Variants in SLC9A9 observed in about 807,000 individuals in gnomAD.
SLC9A9 encodes the protein solute carrier family 9 member A9.
In SLC9A9, 62 loss-of-function variants were observed where a neutral mutation model predicts 77.8. The ratio of observed to expected loss-of-function variants is 0.80; its 90% CI spans 0.65 to 0.98. The LOEUF is 0.98. SLC9A9 is among the 50% of genes least tolerant of loss of function. The pLI, the probability that SLC9A9 is intolerant of heterozygous loss-of-function variation, is 0.00. For synonymous variants in SLC9A9, 320 were observed against 283.5 expected (o/e 1.13, Z -1.29); for missense variants, 775 against 774.9 (o/e 1.00, Z 0.00).
intron 2 of SLC9A9, among the ~76,000 whole-genome samples, chr3:143,812,016 T>C (rs1302050862): frequency 1.3e-5 from 2 of 151,976 alleles, no homozygotes; most frequent in Non-Finnish European, 2.9e-5. Context: ...TCCTAAGGAA[T>C]AGAGGGGAAG....
At position 143,815,756 on chromosome 3, in the gene SLC9A9, T is replaced by C. The variant is rs2008996025; in HGVS notation, c.378+16263A>G. On this transcript the variant is annotated intron_variant, in intron 2 of 15. Transcript: ENST00000316549. ...TGGTGTGCATCTGTAGTCCCAGCTA[T>C]TCAGGAGGCTGAGACAGGAGAATCG... Among the ~76,000 whole-genome samples, 3 of 151,910 alleles carry C rather than the reference T, an allele frequency of 2.0e-5. No homozygotes were observed. The South Asian group carries it at 6.2e-4, about 32-fold the overall frequency.
chr3:143,777,608 A>C (rs951330687), intron 4 of SLC9A9, among the ~76,000 whole-genome samples: 6 of 152,076 alleles, frequency 3.9e-5, no homozygotes, highest in Admixed American at 1.3e-4. Context: ...CCATGAGAAA[A>C]TCTTTGAATT....
In SLC9A9 at chr3:143,846,812, G is replaced by A. The variant is rs540564748; in HGVS notation, c.175+1336C>T. Among the ~76,000 whole-genome samples the A allele has an allele frequency of 4.0e-5, 6 of 150,564 alleles. No individual in the cohort carries two copies. The South Asian group carries it at 1.0e-3, about 26-fold the overall frequency. On this transcript the variant is annotated intron_variant, in intron 1 of 15. Transcript: ENST00000316549. ...AAGTTTTAGGGTACATGTGCACAAC[G>A]TGCAGGTTAGTTACATATGTATACA...
intron 4 of SLC9A9, among the ~76,000 whole-genome samples, chr3:143,763,283 T>C (rs1465151143): frequency 6.6e-6 from 1 of 152,160 alleles, no homozygotes; most frequent in Non-Finnish European, 1.5e-5. Flanking sequence ...TCAGTAATTA[T>C]AGCAAGAGCC....
chr3:143,368,633 T>G (rs1397584680), intron 13 of SLC9A9, among the ~76,000 whole-genome samples: 4 of 152,196 alleles, frequency 2.6e-5, no homozygotes, highest in Non-Finnish European at 5.9e-5. Context: ...ATTATCATAA[T>G]AAATCTGCAG....
intron 8 of SLC9A9, among the ~76,000 whole-genome samples, chr3:143,562,310 C>T (rs2037101080): frequency 6.6e-6 from 1 of 152,038 alleles, no homozygotes; most frequent in African/African-American, 2.4e-5. Context: ...GGAATGTTTT[C>T]CTGAAAGTGG....
intron 4 of SLC9A9, among the ~76,000 whole-genome samples, chr3:143,738,744 C>G (rs1353811722): frequency 6.6e-6 from 1 of 152,182 alleles, no homozygotes; most frequent in Admixed American, 6.5e-5. Flanking sequence ...CCAAGACCCA[C>G]TTTTCAGATC....
chr3:143,622,951 A>G (rs2038248097), intron 6 of SLC9A9, among the ~76,000 whole-genome samples: 1 of 152,224 alleles, frequency 6.6e-6, no homozygotes, highest in African/African-American at 2.4e-5. Context: ...AAAGAAAGGC[A>G]GCTGTTGAAA....
intron 2 of SLC9A9, among the ~76,000 whole-genome samples, chr3:143,821,031 G>C (rs533657954): frequency 2.5e-4 from 38 of 152,258 alleles, no homozygotes; most frequent in South Asian, 2.1e-4. Context: ...ACTGGGAAGG[G>C]CTGAGTCAGC....
intron 6 of SLC9A9, among the ~76,000 whole-genome samples, chr3:143,623,482 A>C (rs1005505121): frequency 1.3e-5 from 2 of 152,244 alleles, no homozygotes; most frequent in African/African-American, 4.8e-5. Flanking sequence ...GCTCAACTAC[A>C]TGCAAACTGA....
At chr3:143,483,518 G>A (rs2035606726) in intron 11 of SLC9A9, among the ~76,000 whole-genome samples, 1 of 152,182 alleles carries the variant, frequency 6.6e-6, no homozygotes, top group Non-Finnish European at 1.5e-5. Flanking sequence ...GTCTGCCTCA[G>A]GTTTTGTGGG....
At chr3:143,501,714 T>G (rs1394462022) in intron 9 of SLC9A9, among the ~76,000 whole-genome samples, 6 of 151,052 alleles carry the variant, frequency 4.0e-5, no homozygotes, top group Non-Finnish European at 5.9e-5. Flanking sequence ...ACAGTACTGA[T>G]TAGCACTCCT....
intron 9 of SLC9A9, among the ~76,000 whole-genome samples, chr3:143,541,599 G>A (rs376096866): frequency 1.3e-5 from 2 of 152,336 alleles, no homozygotes; most frequent in African/African-American, 2.4e-5. Context: ...GGCAGGTGCT[G>A]TGTATTTTTA....
intron 9 of SLC9A9, among the ~76,000 whole-genome samples, chr3:143,522,849 C>G (rs940552364): frequency 1.3e-5 from 2 of 152,028 alleles, no homozygotes; most frequent in African/African-American, 4.8e-5. Flanking sequence ...GCTAAAAATT[C>G]CAATAAAACA....
chr3:143,419,322 T>C (rs142231630), intron 12 of SLC9A9, among the ~76,000 whole-genome samples: 11 of 152,312 alleles, frequency 7.2e-5, no homozygotes, highest in Non-Finnish European at 1.5e-4. Context: ...AGAGCTTAAG[T>C]AACTTGCAAG....
intron 11 of SLC9A9, among the ~76,000 whole-genome samples, chr3:143,489,937 T>G (rs980913067): frequency 6.6e-6 from 1 of 151,982 alleles, no homozygotes; most frequent in Non-Finnish European, 1.5e-5. Context: ...TCACTATTAA[T>G]GAAGGAAATG....
chr3:143,402,633 T>C (rs998264260), intron 12 of SLC9A9, among the ~76,000 whole-genome samples: 13 of 152,158 alleles, frequency 8.5e-5, no homozygotes, highest in Middle Eastern at 3.4e-3. Flanking sequence ...TCTCTCCATA[T>C]GTCATAAGTC....
At chr3:143,818,604 T>C (rs2009082686) in intron 2 of SLC9A9, among the ~76,000 whole-genome samples, 2 of 152,036 alleles carry the variant, frequency 1.3e-5, no homozygotes, top group African/African-American at 4.8e-5. Flanking sequence ...ACTGCATGCC[T>C]GGCCATGATT....
At chr3:143,420,398 TA>T (rs960329548) in intron 12 of SLC9A9, among the ~76,000 whole-genome samples, 1 of 152,192 alleles carries the variant, frequency 6.6e-6, no homozygotes, top group Non-Finnish European at 1.5e-5. Flanking sequence ...AAAATTTTCT[TA>T]AAAAGATCCT....
Sources: allele counts gnomAD v4.1 joint callset (sites outside exome capture counted in the v4.1 genomes callset), GRCh38; gene constraint gnomAD v4.1.1; transcripts MANE v1.5; gene names NCBI Gene and HGNC (gene_info 2026-07-23, HGNC 2026-07-21).